The following NOX3 variants were observed in gnomAD, a reference collection of about 807,000 sequenced individuals.
NOX3 encodes NADPH oxidase 3, also known as NADPH oxidase catalytic subunit-like 3.
Under a neutral mutation model 76.7 loss-of-function variants are expected in NOX3, and 74 were observed. That is an observed-to-expected ratio of 0.96 (90% confidence interval 0.80 to 1.17). The LOEUF is 1.17. Among genes scored for constraint, NOX3 ranks in the 50% most tolerant of loss-of-function variants. The probability of loss-of-function intolerance (pLI) is 0.00; values close to 1 mark genes in which losing one functional copy is unlikely to be tolerated. For synonymous variants in NOX3, 263 were observed against 261.1 expected (o/e 1.01, Z -0.07); for missense variants, 695 against 703.3 (o/e 0.99, Z 0.13).
chr6:155,405,229 C>T (rs1358470644), intron 12 of NOX3, among the ~76,000 whole-genome samples: 3 of 152,026 alleles, frequency 2.0e-5, no homozygotes, highest in African/African-American at 7.2e-5. Context: ...GTCAGAGGTA[C>T]CTTAGTGGGC....
chr6:155,431,034 G>A (rs1198325920), intron 7 of NOX3, 99 bp from the exon 8 acceptor site: 1 of 736,626 alleles, frequency 1.4e-6, no homozygotes, highest in Non-Finnish European at 2.3e-6. Flanking sequence ...ATGGGGATTA[G>A]ATATTTTTCC....
chr6:155,407,189 G>A lies in NOX3; in HGVS notation c.1521C>T (p.Thr507=). Residue 507 remains threonine, a synonymous_variant, in exon 12 of 14, where the codon ACC becomes ACT. Transcript: ENST00000159060. ...TGTTCCAGTTGGGCCTCCCATAGAA[G>A]GTCTTCTGCTTTAAGCCTGTAATCA... ...TDVITGLKQK[T]FYGRPNWNNE... 1.2e-6 allele frequency: 2 copies of A among 1,614,010 alleles called. No homozygotes were observed.
intron 6 of NOX3, among the ~76,000 whole-genome samples, chr6:155,437,402 T>G (rs562098034): frequency 1.7e-4 from 26 of 152,292 alleles, no homozygotes; most frequent in Admixed American, 3.9e-4. Context: ...TCACACAGAC[T>G]TATGTCCTGG....
chr6:155,406,911 G>A (rs1325349018), intron 12 of NOX3, among the ~76,000 whole-genome samples: 1 of 152,240 alleles, frequency 6.6e-6, no homozygotes, highest in African/African-American at 2.4e-5. Context: ...TGGAGGTTAA[G>A]TGTGAAAAAT....
chr6:155,439,843 T>C (rs1395763034), intron 6 of NOX3, 113 bp downstream of exon 6: 48 of 839,002 alleles, frequency 5.7e-5, no homozygotes, highest in African/African-American at 1.7e-5. Flanking sequence ...TTTCACACAT[T>C]ATACGAGTCC....
At chr6:155,427,516 C>T (rs538223305) in intron 9 of NOX3, among the ~76,000 whole-genome samples, 32 of 152,298 alleles carry the variant, frequency 2.1e-4, no homozygotes, top group African/African-American at 7.7e-4. Context: ...CTGTTGTAGG[C>T]ACTGGAGATT....
At chr6:155,436,813 C>A (rs761583412) in intron 6 of NOX3, among the ~76,000 whole-genome samples, 3 of 152,186 alleles carry the variant, frequency 2.0e-5, no homozygotes, top group Non-Finnish European at 4.4e-5. Context: ...TTAGAGAATT[C>A]ATAATGAAGG....
chr6:155,447,691 T>C (rs1233602057), intron 4 of NOX3, among the ~76,000 whole-genome samples: 1 of 152,226 alleles, frequency 6.6e-6, no homozygotes, highest in African/African-American at 2.4e-5. Flanking sequence ...AGGTAGAACA[T>C]ACAAAGTGGA....
chr6:155,411,963 G>A (rs1776557693), intron 10 of NOX3, among the ~76,000 whole-genome samples: 1 of 152,104 alleles, frequency 6.6e-6, no homozygotes, highest in Non-Finnish European at 1.5e-5. Context: ...AATTATGACT[G>A]GGAAGAATTA....
chr6:155,452,607 C>T (rs1182199014), intron 4 of NOX3, among the ~76,000 whole-genome samples: 1 of 151,226 alleles, frequency 6.6e-6, no homozygotes, highest in Non-Finnish European at 1.5e-5. Flanking sequence ...TAATTAAATT[C>T]ACATTTGTTT....
At chr6:155,445,430 C>T (rs1180671754) in intron 4 of NOX3, among the ~76,000 whole-genome samples, 1 of 152,136 alleles carries the variant, frequency 6.6e-6, no homozygotes, top group African/African-American at 2.4e-5. Context: ...ATATTCGTGT[C>T]ATTTTGGTCC....
intron 10 of NOX3, among the ~76,000 whole-genome samples, chr6:155,411,890 C>T (rs75993574): frequency 0.033 from 5,003 of 152,206 alleles, 179 homozygotes; most frequent in African/African-American, 0.079. Context: ...CTCAGTGAAA[C>T]ATATCGGTGT....
intron 3 of NOX3, among the ~76,000 whole-genome samples, chr6:155,453,997 T>C (rs537122676): frequency 1.3e-5 from 2 of 152,298 alleles, no homozygotes; most frequent in South Asian, 2.1e-4. Flanking sequence ...GATTTCCCAG[T>C]GCATATAAAA....
At chr6:155,416,861 A>G (rs1776628345) in intron 10 of NOX3, among the ~76,000 whole-genome samples, 1 of 144,110 alleles carries the variant, frequency 6.9e-6, no homozygotes, top group African/African-American at 2.6e-5. Flanking sequence ...AGCAATTCTT[A>G]TGCCTCAGCC....
At chr6:155,449,877 A>G (rs765429243) in intron 4 of NOX3, among the ~76,000 whole-genome samples, 7 of 152,220 alleles carry the variant, frequency 4.6e-5, no homozygotes, top group Non-Finnish European at 1.0e-4. Context: ...AGCTGCTCCC[A>G]AGTGAATCTA....
At chr6:155,454,708 A>G in intron 3 of NOX3, 103 bp downstream of exon 3, 2 of 697,064 alleles carry the variant, frequency 2.9e-6, no homozygotes, top group Non-Finnish European at 2.3e-6. Flanking sequence ...CCAAGTTTAA[A>G]CAGAATTACT....
At chr6:155,400,784 C>T (rs929786821) in intron 12 of NOX3, among the ~76,000 whole-genome samples, 3 of 152,120 alleles carry the variant, frequency 2.0e-5, no homozygotes, top group Non-Finnish European at 2.9e-5. Context: ...TGCTCCTGCC[C>T]ACACTCCACA....
chr6:155,442,910 G>T (rs1777012297), intron 5 of NOX3, among the ~76,000 whole-genome samples: 2 of 152,162 alleles, frequency 1.3e-5, no homozygotes, highest in South Asian at 4.1e-4. Flanking sequence ...TCTGTGTTTA[G>T]CTGGCACTTC....
intron 8 of NOX3, among the ~76,000 whole-genome samples, chr6:155,429,914 C>T (rs139300709): frequency 3.5e-4 from 54 of 152,340 alleles, no homozygotes; most frequent in African/African-American, 1.2e-3. Context: ...GTTAAATGGT[C>T]TCCCTCGTAA....
Sources: allele counts gnomAD v4.1 joint callset (sites outside exome capture counted in the v4.1 genomes callset), GRCh38; gene constraint gnomAD v4.1.1; transcripts MANE v1.5; gene names NCBI Gene and HGNC (gene_info 2026-07-23, HGNC 2026-07-21).